Variants in OSCP1 observed in about 807,000 individuals in gnomAD.
OSCP1 encodes the protein organic solute carrier partner 1, also known as protein OSCP1.
A neutral mutation model predicts 45.1 loss-of-function variants in OSCP1; 35 were observed. That is an observed-to-expected ratio of 0.78 (90% CI 0.59 to 1.03). The LOEUF (loss-of-function observed/expected upper bound fraction) is 1.03, where lower values mean the gene tolerates loss of function less well. OSCP1 is among the 50% of genes least tolerant of loss of function. The pLI, the probability that OSCP1 is intolerant of heterozygous loss-of-function variation, is 0.00. For synonymous variants in OSCP1, 179 were observed against 180.1 expected, an observed-to-expected ratio of 0.99 and a Z score of 0.05; for missense variants, 400 against 470.7, an observed-to-expected ratio of 0.85 and a Z score of 1.39.
At chr1:36,436,291 T>C (rs1319897756) in intron 2 of OSCP1, among the ~76,000 whole-genome samples, 1 of 151,382 alleles carries the variant, frequency 6.6e-6, no homozygotes, top group Non-Finnish European at 1.5e-5. Context: ...TTTGTATTTT[T>C]AGTAGAGACG....
Position 36,447,676 on chromosome 1 carries a change from T to C in OSCP1, c.112+2582A>G. On this transcript the variant is annotated intron_variant, in intron 1 of 9. Coordinates refer to ENST00000235532, the MANE Select transcript of OSCP1 (RefSeq NM_145047.5). This position sits in a 1 kb window ranked among gnomAD's most constrained non-coding sequence, Gnocchi z 4.1. ...AAAATGGGGATAGTAATATTACCTA[T>C]GTGTTACAATAGTTGGGAGGATTAA... 1 of 189,610 alleles carries C rather than the reference T, an allele frequency of 5.3e-6. No homozygotes were observed. The highest frequency in any genetic ancestry group is 7.9e-5 in the South Asian group (1 of 12,590). The allele number at this position is 189,610 out of a possible 1,614,324, so 11.7% of individuals were successfully genotyped here.
rs59689323 is a variant in OSCP1, at chr1:36,435,725, C to T, written c.267+3031G>A. Among the ~76,000 whole-genome samples, 2,954 of 151,964 alleles carry T rather than the reference C, an allele frequency of 0.019. 286 individuals carry two copies. The East Asian group carries it at 0.29, about 15-fold the overall frequency. The stretch of plus-strand genomic sequence containing the variant: ...TTGGCTCACTGCAACCTCTGCCTCC[C>T]GGGTTCAAGCAATTCTCCTGCCTCA... On this transcript the variant is annotated intron_variant, in intron 2 of 9. Transcript: ENST00000235532.
intron 4 of OSCP1, 146 bp from the exon 5 acceptor site, chr1:36,423,612 T>A (rs1647788548): frequency 5.2e-6 from 3 of 580,392 alleles, no homozygotes; most frequent in Non-Finnish European, 9.0e-6. Flanking sequence ...CAGTGGATCA[T>A]GCCTGTAATC....
chr1:36,441,750 C>CAA (rs575967932), intron 1 of OSCP1, among the ~76,000 whole-genome samples: 1,811 of 57,338 alleles, frequency 0.032, 134 homozygotes, highest in African/African-American at 0.088. Flanking sequence ...GACTCCAGCT[C>CAA]AAAAAAAAAA....
In OSCP1 at chr1:36,420,142, A is replaced by ATTTTTTTTT. The variant is rs879625733; in HGVS notation, c.959+325_959+333dup. 6.8e-3 allele frequency among the ~76,000 whole-genome samples: 939 copies of ATTTTTTTTT among 138,370 alleles called. 14 individuals are homozygous for ATTTTTTTTT. The highest frequency in any genetic ancestry group is 0.024 in the African/African-American group (887 of 36,284). The allele number at this position is 138,370 out of a possible 152,430, so 90.8% of individuals were successfully genotyped here. On this transcript the variant is annotated intron_variant, in intron 8 of 9. Coordinates refer to ENST00000235532, the MANE Select transcript of OSCP1 (RefSeq NM_145047.5). Reference sequence around the variant, plus strand: ...AGGTGCGTGCCACCACACCCAGCTAATTTTTTTTTTTTTTTTGTAGAGACG... The same window carrying ATTTTTTTTT: ...AGGTGCGTGCCACCACACCCAGCTAATTTTTTTTTTTTTTTTTTTTTTTTTGTAGAGACG...
chr1:36,435,243 T>G (rs923659769), intron 2 of OSCP1, among the ~76,000 whole-genome samples: 2 of 151,886 alleles, frequency 1.3e-5, no homozygotes, highest in African/African-American at 4.8e-5. Context: ...TACAGTTGTG[T>G]GCCACTGTGT....
chr1:36,418,315 T>G, intron 9 of OSCP1, 60 bp from the exon 10 acceptor site: 1 of 1,485,870 alleles, frequency 6.7e-7, no homozygotes, highest in Non-Finnish European at 9.4e-7. Context: ...GCCGCCTCTT[T>G]GTGCACTAGG....
chr1:36,423,304 G>T, intron 5 of OSCP1, 59 bp downstream of exon 5: 1 of 1,322,148 alleles, frequency 7.6e-7, no homozygotes, highest in Non-Finnish European at 1.1e-6. Flanking sequence ...TCCGTGTGCG[G>T]CCCATGTGCT....
Position 36,418,099 on chromosome 1 carries a change from C to A in OSCP1, c.*40G>T. 1 of 1,566,196 alleles carries A rather than the reference C, an allele frequency of 6.4e-7. No homozygotes were observed. ...GCATTCCCCAGGGGTCACCATCCAG[C>A]AGCCTCTCCCTGGGGGCAGAGGACG... On this transcript the variant is annotated 3_prime_UTR_variant, in exon 10 of 10. Coordinates refer to ENST00000235532, the MANE Select transcript of OSCP1 (RefSeq NM_145047.5).
chr1:36,440,074 T>C (rs908317653), intron 1 of OSCP1, among the ~76,000 whole-genome samples: 5 of 152,240 alleles, frequency 3.3e-5, no homozygotes, highest in African/African-American at 1.2e-4. Context: ...AAAATAATTA[T>C]ACAAAATCAC....
chr1:36,450,432 C>G lies in OSCP1; in HGVS notation c.-63G>C. 4 of 1,378,496 alleles carry G rather than the reference C, an allele frequency of 2.9e-6. No individual in the cohort carries two copies. Among genetic ancestry groups the G allele is most frequent in the Admixed American group, 1.7e-5 (1 of 57,396 alleles). 85.4% of individuals were successfully genotyped at this position (1,378,496 alleles called of 1,614,324 possible). A position where few individuals can be genotyped will look rare whatever the true frequency, so the allele number is the denominator to read the frequency against. Reference sequence around the variant, plus strand: ...GGTTCGGTAGCCAGTGGCCTGAAGGCCAGGCCGCAGCGTCCCAATAGTCCG... The same window carrying G: ...GGTTCGGTAGCCAGTGGCCTGAAGGGCAGGCCGCAGCGTCCCAATAGTCCG... On this transcript the variant is annotated 5_prime_UTR_variant, in exon 1 of 10. Coordinates refer to ENST00000235532, the MANE Select transcript of OSCP1 (RefSeq NM_145047.5).
Position 36,429,535 on chromosome 1 carries a change from A to ATTTTTTTTTTTTTT in OSCP1, c.516+2253_516+2266dup, listed in dbSNP as rs200043573. Among the ~76,000 whole-genome samples, 41 of 100,308 alleles carry ATTTTTTTTTTTTTT rather than the reference A, an allele frequency of 4.1e-4. 4 individuals carry two copies. The highest frequency in any genetic ancestry group is 9.2e-4 in the African/African-American group (22 of 23,898). The allele number at this position is 100,308 out of a possible 152,430, so 65.8% of individuals were successfully genotyped here. Reference sequence around the variant, plus strand: ...CACATTCAAAATTCAGAAGCTTAGAATTTTTTTTTTTTTTTTTTTTTTTTT... The same window carrying ATTTTTTTTTTTTTT: ...CACATTCAAAATTCAGAAGCTTAGAATTTTTTTTTTTTTTTTTTTTTTTTTTTTTTTTTTTTTTT... On this transcript the variant is annotated intron_variant, in intron 4 of 9. Coordinates refer to ENST00000235532, the MANE Select transcript of OSCP1 (RefSeq NM_145047.5).
chr1:36,435,466 A>G (rs1186747035), intron 2 of OSCP1, among the ~76,000 whole-genome samples: 1 of 152,020 alleles, frequency 6.6e-6, no homozygotes, highest in Non-Finnish European at 1.5e-5. Flanking sequence ...TTTTAAAGGC[A>G]GAGAGAGAAG....
intron 4 of OSCP1, among the ~76,000 whole-genome samples, chr1:36,431,190 G>A (rs1162906605): frequency 6.6e-6 from 1 of 152,194 alleles, no homozygotes; most frequent in Non-Finnish European, 1.5e-5. Flanking sequence ...TGAGTCTGGA[G>A]GGCAGGGGTG....
chr1:36,434,389 G>A (rs1648573632), intron 2 of OSCP1, among the ~76,000 whole-genome samples: 2 of 152,134 alleles, frequency 1.3e-5, no homozygotes, highest in Admixed American at 6.5e-5. Flanking sequence ...CACTTGCCAG[G>A]ACCCTGCTAC....
intron 1 of OSCP1, among the ~76,000 whole-genome samples, chr1:36,443,445 T>G (rs773654019): frequency 6.6e-6 from 1 of 152,218 alleles, no homozygotes; most frequent in South Asian, 2.1e-4. Context: ...TCGACAACTT[T>G]TTCAGGTTTC....
At chr1:36,444,135 C>CT in intron 1 of OSCP1, 1 of 1,380,338 alleles carries the variant, frequency 7.2e-7, no homozygotes, top group Non-Finnish European at 1.0e-6. Flanking sequence ...ATCTATGAAA[C>CT]TTTACTTTTC....
At chr1:36,424,467 T>C (rs1477895040) in intron 4 of OSCP1, among the ~76,000 whole-genome samples, 1 of 152,172 alleles carries the variant, frequency 6.6e-6, no homozygotes, top group Non-Finnish European at 1.5e-5. Context: ...AAGAACCTCA[T>C]ATGGCCACTT....
chr1:36,420,922 G>A (rs1324941655), intron 7 of OSCP1, among the ~76,000 whole-genome samples: 1 of 152,026 alleles, frequency 6.6e-6, no homozygotes, highest in Non-Finnish European at 1.5e-5. Flanking sequence ...TTCCTTTCCT[G>A]TCAATCGGTT....
Sources: allele counts gnomAD v4.1 joint callset (sites outside exome capture counted in the v4.1 genomes callset), GRCh38; gene constraint gnomAD v4.1.1; non-coding constraint Gnocchi (gnomAD v3.1); transcripts MANE v1.5; gene names NCBI Gene and HGNC (gene_info 2026-07-23, HGNC 2026-07-21).